Variants in CLSTN1 observed in about 807,000 individuals in gnomAD.
CLSTN1 encodes the protein calsyntenin 1.
Under a neutral mutation model 108.3 loss-of-function variants are expected in CLSTN1, and 28 were observed. The ratio of observed to expected loss-of-function variants is 0.26; its 90% CI spans 0.19 to 0.35. The LOEUF (loss-of-function observed/expected upper bound fraction) is 0.35. CLSTN1 is among the 10% of genes least tolerant of loss of function. CLSTN1 has a pLI of 1.00. For synonymous variants in CLSTN1, 524 were observed against 534.9 expected (o/e 0.98, Z 0.28); for missense variants, 1,157 against 1,302.6 (o/e 0.89, Z 1.72).
chr1:9,813,943 CAAA>C lies in CLSTN1; in HGVS notation c.91+9697_91+9699del, dbSNP rs971394055. Among the ~76,000 whole-genome samples, 117 of 149,924 alleles carry C rather than the reference CAAA, an allele frequency of 7.8e-4. 1 individual carries two copies. The highest frequency in any genetic ancestry group is 1.2e-3 in the Non-Finnish European group (79 of 67,428). On this transcript the variant is annotated intron_variant, in intron 1 of 18. Transcript: ENST00000377298. ...TGAAACCCTGTCTCTACTAAAAATA[CAAA>C]AAAAAATTAGCCGGGCGCAGTGGCA...
At chr1:9,736,737 A>C (rs1238998532) in intron 11 of CLSTN1, among the ~76,000 whole-genome samples, 1 of 152,202 alleles carries the variant, frequency 6.6e-6, no homozygotes, top group Non-Finnish European at 1.5e-5. Flanking sequence ...TCTGGTACAG[A>C]AATCAGGCAC....
Position 9,733,496 on chromosome 1 carries a change from G to A in CLSTN1, c.2332C>T (p.Arg778Trp), listed in dbSNP as rs1301679401. Reference protein sequence around the residue: ...YEEVLHLLRYRNWHARSLLDR... With the variant: ...YEEVLHLLRYWNWHARSLLDR... ...AGCAAGGACCTGGCATGCCAGTTCC[G>A]ATAGCGCAGCAGGTGCAAAACCTCC... Residue 778 changes from arginine to tryptophan, a missense_variant, in exon 16 of 19, where the codon CGG becomes TGG. By Grantham distance (101) the Arg-to-Trp change is moderately radical. Coordinates refer to ENST00000377298, the MANE Select transcript of CLSTN1 (RefSeq NM_001009566.3). 7 of 1,614,152 alleles carry A rather than the reference G, an allele frequency of 4.3e-6. No individual in the cohort carries two copies. The highest frequency in any genetic ancestry group is 1.1e-5 in the South Asian group (1 of 91,074).
chr1:9,732,971 G>A (rs1263218202), intron 16 of CLSTN1, among the ~76,000 whole-genome samples: 1 of 152,198 alleles, frequency 6.6e-6, no homozygotes, highest in South Asian at 2.1e-4. Flanking sequence ...CAAGTGGATT[G>A]CTTGAACCTG....
intron 2 of CLSTN1, among the ~76,000 whole-genome samples, chr1:9,758,494 A>G (rs760959609): frequency 6.6e-6 from 1 of 150,892 alleles, no homozygotes; most frequent in Non-Finnish European, 1.5e-5. Context: ...TTGTATTTTT[A>G]GTAGAAATGG....
At chr1:9,770,384 G>T (rs564716022) in intron 2 of CLSTN1, among the ~76,000 whole-genome samples, 4 of 152,122 alleles carry the variant, frequency 2.6e-5, no homozygotes, top group Admixed American at 1.3e-4. Flanking sequence ...ATATTTCATT[G>T]ATAAGACTTT....
At chr1:9,744,118 T>G in intron 8 of CLSTN1, 113 bp from the exon 9 acceptor site, 1 of 1,431,682 alleles carries the variant, frequency 7.0e-7, no homozygotes, top group Non-Finnish European at 9.5e-7. Context: ...AATGAACTCT[T>G]CGGCTAAGCC....
At chr1:9,784,399 T>C (rs1305433951) in intron 1 of CLSTN1, among the ~76,000 whole-genome samples, 1 of 151,758 alleles carries the variant, frequency 6.6e-6, no homozygotes, top group Non-Finnish European at 1.5e-5. Context: ...TCCCAGCTAC[T>C]CGGGAGGCTG....
intron 1 of CLSTN1, among the ~76,000 whole-genome samples, chr1:9,783,583 C>T (rs1193449598): frequency 6.6e-6 from 1 of 151,534 alleles, no homozygotes; most frequent in East Asian, 1.9e-4. Flanking sequence ...AGGCCAGGCA[C>T]AGTGTCTCGC....
chr1:9,802,092 T>TAG (rs1276299787), intron 1 of CLSTN1, among the ~76,000 whole-genome samples: 3 of 152,136 alleles, frequency 2.0e-5, no homozygotes, highest in Non-Finnish European at 4.4e-5. Context: ...CTGAGGCATG[T>TAG]AGAGATTAAG....
rs1259106372 is a variant in CLSTN1 at position 9,786,632 on chromosome 1, G to C, written c.92-13238C>G. Among the ~76,000 whole-genome samples, 5 of 127,522 alleles carry C rather than the reference G, an allele frequency of 3.9e-5. No homozygotes were observed. In the East Asian group the frequency reaches 1.3e-3, roughly 33 times the overall value. 83.7% of individuals were successfully genotyped at this position (127,522 alleles called of 152,430 possible). A position where few individuals can be genotyped will look rare whatever the true frequency, so the allele number is the denominator to read the frequency against. On this transcript the variant is annotated intron_variant, in intron 1 of 18. Transcript: ENST00000377298. ...CACTCCACTGCAGCCTGGCTGACAA[G>C]AGTGAGACTCCGTCTCAAAAAAAAA...
intron 1 of CLSTN1, among the ~76,000 whole-genome samples, chr1:9,805,343 G>A (rs1654459442): frequency 6.6e-6 from 1 of 152,140 alleles, no homozygotes; most frequent in African/African-American, 2.4e-5. Flanking sequence ...ATCAGAGCGT[G>A]ATCTAAGGAC....
chr1:9,789,211 G>A (rs934466640), intron 1 of CLSTN1, among the ~76,000 whole-genome samples: 1 of 151,342 alleles, frequency 6.6e-6, no homozygotes, highest in Non-Finnish European at 1.5e-5. Context: ...GGATCATACG[G>A]TGATTCTATC....
intron 1 of CLSTN1, among the ~76,000 whole-genome samples, chr1:9,785,000 T>C (rs1653415419): frequency 6.6e-6 from 1 of 151,456 alleles, no homozygotes; most frequent in African/African-American, 2.4e-5. Flanking sequence ...TAAATTCTTT[T>C]TTTTTTTTTT....
In CLSTN1 at chr1:9,756,520, G is replaced by A. The variant is rs770778221; in HGVS notation, c.215-10C>T. 2 of 1,611,444 alleles carry A rather than the reference G, an allele frequency of 1.2e-6. No individual in the cohort carries two copies. Among genetic ancestry groups the A allele is most frequent in the South Asian group, 1.1e-5 (1 of 90,966 alleles). On this transcript the variant is annotated splice_polypyrimidine_tract_variant and intron_variant, in intron 2 of 18. Coordinates refer to ENST00000377298, the MANE Select transcript of CLSTN1 (RefSeq NM_001009566.3). ...GTCACCTCAAAACTCTCTAAAGGGA[G>A]AAAAGATAAGCCCATGTCAGTAATA...
rs780250057 is a variant in CLSTN1 at position 9,744,636 on chromosome 1, G to A, written c.993C>T (p.Ala331=). The stretch of plus-strand genomic sequence containing the variant: ...ATGGCAGCAGCTCGGCAGTGCCCGC[G>A]GCCGCACCTGAAGCCACAGTGCTCG... ...EKSLHRLCGA[A]AGTAELLPSP... The change falls in exon 8 of 19, where the codon GCC becomes GCT. Residue 331 remains alanine (A), a synonymous_variant. Coordinates refer to ENST00000377298, the MANE Select transcript of CLSTN1 (RefSeq NM_001009566.3). 101 of 1,608,446 alleles carry A rather than the reference G, an allele frequency of 6.3e-5. No homozygotes were observed. The highest frequency in any genetic ancestry group is 2.6e-4 in the South Asian group (24 of 90,750).
At position 9,730,406 on chromosome 1, in the gene CLSTN1, T is replaced by C. The variant is rs1650293626; in HGVS notation, c.*102A>G. Reference sequence around the variant, plus strand: ...CGTGGCGGGGAGGGGTCTGCACACCTACTGGCCGAAATGACTTTGTACATC... The same window carrying C: ...CGTGGCGGGGAGGGGTCTGCACACCCACTGGCCGAAATGACTTTGTACATC... On this transcript the variant is annotated 3_prime_UTR_variant, in exon 19 of 19. Transcript: ENST00000377298. The surrounding 1 kb of genome is among the most constrained non-coding windows in gnomAD (Gnocchi z 5.6). 1 of 1,118,254 alleles carries C rather than the reference T, an allele frequency of 8.9e-7. No individual in the cohort carries two copies. Among genetic ancestry groups the C allele is most frequent in the African/African-American group, 1.5e-5 (1 of 65,914 alleles). The allele number at this position is 1,118,254 out of a possible 1,614,324, so 69.3% of individuals were successfully genotyped here.
rs569560849 is a variant in CLSTN1, at chr1:9,791,487, G to C, written c.92-18093C>G. On this transcript the variant is annotated intron_variant, in intron 1 of 18. Coordinates refer to ENST00000377298, the MANE Select transcript of CLSTN1 (RefSeq NM_001009566.3). ...GGGCTCAAGCAATCCCCCTGCCTTG[G>C]CCTCCCAAAGAGCTGGGATTACAGG... is the stretch of plus-strand genomic sequence containing the variant. Among the ~76,000 whole-genome samples, 62 of 151,578 alleles carry C rather than the reference G, an allele frequency of 4.1e-4. 2 individuals carry two copies. The highest frequency in any genetic ancestry group is 9.3e-4 in the Admixed American group (14 of 14,976).
At chr1:9,765,730 A>C (rs1652295429) in intron 2 of CLSTN1, among the ~76,000 whole-genome samples, 1 of 151,760 alleles carries the variant, frequency 6.6e-6, no homozygotes, top group African/African-American at 2.4e-5. Context: ...AAATACAAAA[A>C]TTAGCCGGGC....
chr1:9,798,943 G>A (rs191532957), intron 1 of CLSTN1, among the ~76,000 whole-genome samples: 1 of 152,280 alleles, frequency 6.6e-6, no homozygotes, highest in East Asian at 1.9e-4. Context: ...CACTTTGGGA[G>A]GGCGGGGCAG....
Sources: allele counts gnomAD v4.1 joint callset (sites outside exome capture counted in the v4.1 genomes callset), GRCh38; gene constraint gnomAD v4.1.1; non-coding constraint Gnocchi (gnomAD v3.1); transcripts MANE v1.5; gene names NCBI Gene and HGNC (gene_info 2026-07-23, HGNC 2026-07-21).